The following SCNN1D variants were observed in gnomAD, a reference collection of about 807,000 sequenced individuals.
SCNN1D encodes the protein epithelial sodium channel subunit delta.
In SCNN1D, 104 loss-of-function variants were observed where a neutral mutation model predicts 87.8. That is an observed-to-expected ratio of 1.18 (90% CI 1.01 to 1.39). The LOEUF is 1.39. SCNN1D is among the 40% of genes most tolerant of loss of function. SCNN1D has a pLI of 0.00. For synonymous variants in SCNN1D, 628 were observed against 481.2 expected, an observed-to-expected ratio of 1.31 and a Z score of -3.99; for missense variants, 1,324 against 1,093.9, an observed-to-expected ratio of 1.21 and a Z score of -2.97.
rs1427431522 is a variant in SCNN1D, at chr1:1,287,948, C to A, written c.1573C>A (p.His525Asn). The change falls in exon 12 of 18, where the codon CAC becomes AAC. Residue 525 changes from histidine to asparagine, a missense_variant. His to Asn is a moderately conservative substitution (Grantham distance 68). Coordinates refer to ENST00000379116, the MANE Select transcript of SCNN1D (RefSeq NM_001130413.4). ...AAGCGTCCCCTCCCAGGACGAGGTGCACCGGCTCGGGAGCCCCTACGGCCA... is the reference window on the plus strand; with the variant it reads ...AAGCGTCCCCTCCCAGGACGAGGTGAACCGGCTCGGGAGCCCCTACGGCCA... ...ATISIREDEV[H>N]RLGSPYGHCT... 6.5e-7 allele frequency: 1 copy of A among 1,543,432 alleles called. No individual in the cohort carries two copies.
Position 1,291,313 on chromosome 1 carries a change from C to G in SCNN1D, c.2112C>G (p.Val704=). Residue 704 remains valine, a synonymous_variant, in exon 18 of 18, where the codon GTC becomes GTG. Coordinates refer to ENST00000379116, the MANE Select transcript of SCNN1D (RefSeq NM_001130413.4). ...SLCSLWFGAS[V]LSLLELLELL... ...GCAGCCTGTGGTTTGGGGCCTCCGT[C>G]CTCTCCCTCCTGGAGCTCCTGGAGC... 6.3e-7 allele frequency: 1 copy of G among 1,591,974 alleles called. No individual in the cohort carries two copies.
At chr1:1,284,642 A>G (rs1640549251) in intron 5 of SCNN1D, among the ~76,000 whole-genome samples, 1 of 151,784 alleles carries the variant, frequency 6.6e-6, no homozygotes. Flanking sequence ...GGGGGTGCAC[A>G]GTGTGTGCTG....
At chr1:1,288,170 C>A (rs554627320) in intron 12 of SCNN1D, 133 bp downstream of exon 12, 9 of 654,024 alleles carry the variant, frequency 1.4e-5, no homozygotes. Context: ...CGTGGAGGCC[C>A]GCACTCCATC....
At chr1:1,284,745 C>T (rs570996556) in intron 5 of SCNN1D, among the ~76,000 whole-genome samples, 1 of 152,198 alleles carries the variant, frequency 6.6e-6, no homozygotes, top group African/African-American at 2.4e-5. Flanking sequence ...GTGGGTTGGC[C>T]ACATGGCACG....
chr1:1,284,411 A>G (rs1431936301), intron 5 of SCNN1D, among the ~76,000 whole-genome samples: 2 of 151,336 alleles, frequency 1.3e-5, no homozygotes, highest in South Asian at 2.1e-4. Context: ...CCCGTGTGCC[A>G]TCAGGAACAG....
rs780589894 is a variant in SCNN1D, at chr1:1,285,631, C to A, written c.525C>A (p.Pro175=). The A allele has an allele frequency of 2.0e-4, 317 of 1,547,490 alleles. 1 individual carries two copies. The highest frequency in any genetic ancestry group is 1.6e-4 in the Non-Finnish European group (183 of 1,145,536). The change falls in exon 6 of 18, where the codon CCC becomes CCA. Residue 175 remains proline (P), a synonymous_variant. Coordinates refer to ENST00000379116, the MANE Select transcript of SCNN1D (RefSeq NM_001130413.4). ...ACCTGAAGGGATGGCAGCACAGACC[C>A]ACTCAGCACAACGCTGCCTGCAAAC... The part of the protein sequence containing the change: ...PCHLKGWQHR[P]TQHNAACKQG...
Position 1,287,095 on chromosome 1 carries a change from C to G in SCNN1D, c.1120-14C>G. The G allele has an allele frequency of 1.3e-6, 2 of 1,585,506 alleles. No homozygotes were observed. The highest frequency in any genetic ancestry group is 2.3e-5 in the South Asian group (2 of 88,434). ...GCTGTAGCCACAGAGCTGACCCTCC[C>G]TCCCCTCTCCCAGTGCAACAGCACG... On this transcript the variant is annotated splice_polypyrimidine_tract_variant and intron_variant, in intron 8 of 17. Coordinates refer to ENST00000379116, the MANE Select transcript of SCNN1D (RefSeq NM_001130413.4).
Position 1,284,033 on chromosome 1 carries a change from G to C in SCNN1D, c.407G>C (p.Ser136Thr). The change falls in exon 5 of 18, where the codon AGC (serine) becomes ACC (threonine). Residue 136 changes from serine to threonine, a missense_variant. Coordinates refer to ENST00000379116, the MANE Select transcript of SCNN1D (RefSeq NM_001130413.4). The part of the protein sequence containing the change: ...QSCQLPPQWL[S>T]TEAWTGEWKQ... ...TGCCAGCTGCCCCCGCAATGGCTGA[G>C]CACCGAAGCATGGACGGGAGAATGG... 7.2e-7 allele frequency: 1 copy of C among 1,395,832 alleles called. No individual in the cohort carries two copies. The highest frequency in any genetic ancestry group is 1.8e-4 in the Middle Eastern group (1 of 5,556). 86.5% of individuals were successfully genotyped at this position (1,395,832 alleles called of 1,614,324 possible).
chr1:1,286,836 A>T lies in SCNN1D; in HGVS notation c.980A>T (p.Tyr327Phe), dbSNP rs1331039777. ...EFARENIDSLYNVNLSKGRAA... is the reference protein window; with the variant it reads ...EFARENIDSLFNVNLSKGRAA... ...GCCAGGGAGAACATTGACTCCCTGTACAACGTCAACCTCAGCAAAGGCAGA... is the reference window on the plus strand; with the variant it reads ...GCCAGGGAGAACATTGACTCCCTGTTCAACGTCAACCTCAGCAAAGGCAGA... Residue 327 changes from tyrosine to phenylalanine, a missense_variant, in exon 8 of 18, where the codon TAC becomes TTC. By Grantham distance (22) the Tyr-to-Phe change is conservative. Transcript: ENST00000379116. 8 of 1,612,642 alleles carry T rather than the reference A, an allele frequency of 5.0e-6. No homozygotes were observed. The highest frequency in any genetic ancestry group is 6.8e-6 in the Non-Finnish European group (8 of 1,179,902).
intron 4 of SCNN1D, 34 bp from the exon 5 acceptor site, chr1:1,283,942 GCA>G: frequency 7.7e-7 from 1 of 1,300,640 alleles, no homozygotes; most frequent in Non-Finnish European, 1.0e-6. Flanking sequence ...CTCGCCTGCA[GCA>G]CAGTCCCACG....
rs200409117 is a variant in SCNN1D at position 1,291,524 on chromosome 1, C to T, written c.2323C>T (p.Arg775Trp). 2.7e-4 allele frequency: 431 copies of T among 1,606,438 alleles called. No homozygotes were observed. The highest frequency in any genetic ancestry group is 3.2e-4 in the Non-Finnish European group (381 of 1,175,784). ...GGAGCCCAGCGGGCCTCATCTCCCA[C>T]GGGTGATGCTTCCAGGGGTTCTGGC... The part of the protein sequence containing the change: ...DPEPSGPHLP[R>W]VMLPGVLAGV... The change falls in exon 18 of 18, where the codon CGG becomes TGG. Residue 775 changes from arginine (R) to tryptophan (W), a missense_variant. Physicochemically the swap from Arg to Trp is moderately radical, Grantham distance 101. Transcript: ENST00000379116.
chr1:1,285,450 G>T, intron 5 of SCNN1D, 121 bp from the exon 6 acceptor site: 1 of 663,302 alleles, frequency 1.5e-6, no homozygotes, highest in East Asian at 2.9e-5. Context: ...TCGGTCCTCA[G>T]CAGGCCACAC....
chr1:1,285,930 C>A lies in SCNN1D; in HGVS notation c.563C>A (p.Ala188Glu). The change falls in exon 7 of 18, where the codon GCA becomes GAA. Residue 188 changes from alanine to glutamate, a missense_variant. Transcript: ENST00000379116. ...CTGAGGCCACTCTGCACACAGGCTG[C>A]AGCCCAGACGCCCCCCAGGCCGGGG... Reference protein sequence around the residue: ...HNAACKQGQAAAQTPPRPGPP... With the variant: ...HNAACKQGQAEAQTPPRPGPP... 1 of 1,545,084 alleles carries A rather than the reference C, an allele frequency of 6.5e-7. No individual in the cohort carries two copies. Among genetic ancestry groups the A allele is most frequent in the Non-Finnish European group, 8.7e-7 (1 of 1,143,956 alleles).
intron 12 of SCNN1D, among the ~76,000 whole-genome samples, chr1:1,288,586 G>A (rs1342277412): frequency 2.9e-5 from 1 of 34,970 alleles, no homozygotes; most frequent in Non-Finnish European, 5.2e-5. Flanking sequence ...TCTCTGCTCC[G>A]TCCCGTGTCT....
In SCNN1D at chr1:1,287,822, A is replaced by G; in HGVS notation, c.1549A>G (p.Ile517Val). The G allele has an allele frequency of 6.4e-7, 1 of 1,559,294 alleles. No homozygotes were observed. ...FSVRPGTEAT[I>V]SIREDEVHRL... ...CGTCCGGCCAGGGACGGAGGCCACC[A>G]TCAGCATCCGAGAGGTGAGCTGGCC... Residue 517 changes from isoleucine (I) to valine (V), a missense_variant, in exon 11 of 18, where the codon ATC becomes GTC. Coordinates refer to ENST00000379116, the MANE Select transcript of SCNN1D (RefSeq NM_001130413.4).
Position 1,287,578 on chromosome 1 carries a change from C to T in SCNN1D, c.1381C>T (p.Arg461Cys), listed in dbSNP as rs111819661. Residue 461 changes from arginine (R) to cysteine (C), a missense_variant, in exon 10 of 18, where the codon CGC becomes TGC. Coordinates refer to ENST00000379116, the MANE Select transcript of SCNN1D (RefSeq NM_001130413.4). ...YTVDGVWTAQ[R>C]PGITHGVGLV... ...GGTCGATGGCGTCTGGACAGCTCAG[C>T]GCCCCGGCATCACCCACGGTGGGTG... 0.014 allele frequency: 21,514 copies of T among 1,590,602 alleles called. 165 individuals are homozygous for T. Among genetic ancestry groups the T allele is most frequent in the Admixed American group, 0.022 (1,292 of 58,318 alleles).
At position 1,282,043 on chromosome 1, in the gene SCNN1D, G is replaced by GTGGGGGAGAAGGCC. The variant is rs1640480754; in HGVS notation, c.278-188_278-187insGCCTGGGGGAGAAG. ...CCACGCACAAAGCTGCCCAGATGTGGTGGGGGAGAAGCCCCAGGCCTGTGC... is the reference window on the plus strand; with the variant it reads ...CCACGCACAAAGCTGCCCAGATGTGGTGGGGGAGAAGGCCTGGGGGAGAAGCCCCAGGCCTGTGC... On this transcript the variant is annotated intron_variant, in intron 3 of 17. Transcript: ENST00000379116. 4.5e-5 allele frequency: 27 copies of GTGGGGGAGAAGGCC among 599,722 alleles called. 1 individual carries two copies. In the South Asian group the frequency reaches 5.5e-4, roughly 12 times the overall value. The allele number at this position is 599,722 out of a possible 1,614,324, so 37.2% of individuals were successfully genotyped here. A position where few individuals can be genotyped will look rare whatever the true frequency, so the allele number is the denominator to read the frequency against.
intron 5 of SCNN1D, among the ~76,000 whole-genome samples, chr1:1,285,334 C>T (rs971499751): frequency 2.0e-5 from 3 of 152,320 alleles, no homozygotes; most frequent in Non-Finnish European, 4.4e-5. Context: ...CTTGTGTCTC[C>T]GCAGCTGGCC....
At position 1,287,181 on chromosome 1, in the gene SCNN1D, C is replaced by T. The variant is rs766780512; in HGVS notation, c.1192C>T (p.His398Tyr). ...CGTGGCGGCTGTCCAGGACTGGTAC[C>T]ACTTCCACTATGTGGATATCCTGGC... Reference protein sequence around the residue: ...SGVAAVQDWYHFHYVDILALL... With the variant: ...SGVAAVQDWYYFHYVDILALL... The change falls in exon 9 of 18, where the codon CAC (histidine) becomes TAC (tyrosine). Residue 398 changes from histidine (H) to tyrosine (Y), a missense_variant. Physicochemically the swap from His to Tyr is moderately conservative, Grantham distance 83. Coordinates refer to ENST00000379116, the MANE Select transcript of SCNN1D (RefSeq NM_001130413.4). 1 of 1,612,236 alleles carries T rather than the reference C, an allele frequency of 6.2e-7. No individual in the cohort carries two copies. The highest frequency in any genetic ancestry group is 1.1e-5 in the South Asian group (1 of 91,058).
Sources: allele counts gnomAD v4.1 joint callset (sites outside exome capture counted in the v4.1 genomes callset), GRCh38; gene constraint gnomAD v4.1.1; transcripts MANE v1.5; gene names NCBI Gene and HGNC (gene_info 2026-07-23, HGNC 2026-07-21).